NIBAN1: variants seen among roughly 807,000 people sequenced by gnomAD.
NIBAN1 encodes protein Niban 1.
In NIBAN1, 81 loss-of-function variants were observed where a neutral mutation model predicts 75.1. The ratio of observed to expected loss-of-function variants is 1.08; its 90% CI spans 0.90 to 1.30. The LOEUF is 1.30. Ranked by LOEUF, NIBAN1 falls within the 50% of genes most tolerant of loss-of-function variation. The pLI, the probability that NIBAN1 is intolerant of heterozygous loss-of-function variation, is 0.00. For synonymous variants in NIBAN1, 436 were observed against 424.8 expected (o/e 1.03, Z -0.32); for missense variants, 1,133 against 1,128.1 (o/e 1.00, Z -0.06).
intron 6 of NIBAN1, among the ~76,000 whole-genome samples, chr1:184,830,148 T>C (rs187217150): frequency 2.2e-4 from 33 of 152,352 alleles, no homozygotes; most frequent in African/African-American, 7.0e-4. Flanking sequence ...AGTTTTCTCA[T>C]TTACAAAATT....
intron 5 of NIBAN1, among the ~76,000 whole-genome samples, chr1:184,883,555 C>T (rs1311620034): frequency 6.6e-6 from 1 of 152,350 alleles, no homozygotes; most frequent in East Asian, 1.9e-4. Context: ...ATATCAAAAA[C>T]ATCACATATT....
chr1:184,962,018 C>G (rs1248461844), intron 1 of NIBAN1, among the ~76,000 whole-genome samples: 1 of 152,198 alleles, frequency 6.6e-6, no homozygotes. Context: ...TTCTTTGTTA[C>G]GTTCCCATGA....
intron 5 of NIBAN1, among the ~76,000 whole-genome samples, chr1:184,841,089 C>T (rs1655274477): frequency 6.6e-6 from 1 of 152,074 alleles, no homozygotes; most frequent in African/African-American, 2.4e-5. Flanking sequence ...AAGTTCCTCA[C>T]AGTTTAGTGG....
At chr1:184,932,373 T>C (rs1485250188) in intron 1 of NIBAN1, among the ~76,000 whole-genome samples, 6 of 152,202 alleles carry the variant, frequency 3.9e-5, no homozygotes, top group African/African-American at 7.2e-5. Context: ...GAGACAATGA[T>C]AGATTGTCAG....
At chr1:184,960,408 A>G (rs1468307594) in intron 1 of NIBAN1, among the ~76,000 whole-genome samples, 2 of 152,058 alleles carry the variant, frequency 1.3e-5, no homozygotes, top group Admixed American at 1.3e-4. Flanking sequence ...TACTTCTCTT[A>G]TTTTCTAAGA....
At chr1:184,898,519 G>A (rs1460982759) in intron 2 of NIBAN1, among the ~76,000 whole-genome samples, 1 of 152,146 alleles carries the variant, frequency 6.6e-6, no homozygotes, top group Non-Finnish European at 1.5e-5. Flanking sequence ...AGGAGGCTGA[G>A]GCAGGAGAAT....
intron 1 of NIBAN1, among the ~76,000 whole-genome samples, chr1:184,911,062 T>TACACACACAC (rs35550596): frequency 2.1e-5 from 3 of 144,436 alleles, no homozygotes; most frequent in African/African-American, 7.6e-5. Flanking sequence ...TTATAACAAA[T>TACACACACAC]ACACACACAC....
intron 1 of NIBAN1, among the ~76,000 whole-genome samples, chr1:184,903,489 T>C (rs1571561066): frequency 6.6e-6 from 1 of 152,200 alleles, no homozygotes; most frequent in African/African-American, 2.4e-5. Flanking sequence ...CTCTCATTAA[T>C]GGCTTAGTGC....
intron 5 of NIBAN1, among the ~76,000 whole-genome samples, chr1:184,843,689 T>G (rs1210657869): frequency 6.6e-6 from 1 of 152,194 alleles, no homozygotes; most frequent in African/African-American, 2.4e-5. Context: ...TCTAAGACAG[T>G]GAGTGCAAAA....
chr1:184,894,319 A>T (rs1370244726), intron 2 of NIBAN1, 113 bp from the exon 3 acceptor site: 3 of 1,172,278 alleles, frequency 2.6e-6, no homozygotes, highest in Non-Finnish European at 3.4e-6. Flanking sequence ...TTCCACTGAG[A>T]TCCTGGGGAA....
intron 8 of NIBAN1, among the ~76,000 whole-genome samples, chr1:184,822,898 A>G (rs1283398932): frequency 6.6e-6 from 1 of 152,134 alleles, no homozygotes; most frequent in Non-Finnish European, 1.5e-5. Context: ...AGGGTGCTAC[A>G]ATGGGGGTTG....
intron 5 of NIBAN1, among the ~76,000 whole-genome samples, chr1:184,871,347 CA>C (rs10658216): frequency 0.013 from 435 of 34,574 alleles, no homozygotes; most frequent in East Asian, 0.061. Context: ...AACTCTATCT[CA>C]AAAAAAAAAA....
At chr1:184,968,770 T>A (rs1658863219) in intron 1 of NIBAN1, among the ~76,000 whole-genome samples, 1 of 147,952 alleles carries the variant, frequency 6.8e-6, no homozygotes, top group Non-Finnish European at 1.5e-5. Flanking sequence ...AAAACCACAA[T>A]AACACTGGCT....
chr1:184,872,289 G>A (rs576196892), intron 5 of NIBAN1, among the ~76,000 whole-genome samples: 38 of 151,724 alleles, frequency 2.5e-4, no homozygotes, highest in African/African-American at 6.8e-4. Flanking sequence ...TTTAAACTCC[G>A]TAGATAAGGT....
chr1:184,815,942 G>A (rs937281563), intron 9 of NIBAN1, among the ~76,000 whole-genome samples: 4 of 152,272 alleles, frequency 2.6e-5, no homozygotes, highest in East Asian at 1.9e-4. Context: ...AAAGGCTGTC[G>A]TTACACAACA....
rs781229367 is a variant in NIBAN1 at position 184,795,244 on chromosome 1, C to A, written c.2520G>T (p.Gln840His). 1.9e-6 allele frequency: 3 copies of A among 1,613,692 alleles called. No individual in the cohort carries two copies. Among genetic ancestry groups the A allele is most frequent in the Non-Finnish European group, 2.5e-6 (3 of 1,180,034 alleles). Reference protein sequence around the residue: ...GKCTEEGDASQQEGCTLGSDP... With the variant: ...GKCTEEGDASHQEGCTLGSDP... ...CAGAACCTAAGGTGCAGCCCTCTTG[C>A]TGTGAGGCATCCCCTTCCTCGGTAC... The change falls in exon 14 of 14, where the codon CAG becomes CAT. Residue 840 changes from glutamine (Q) to histidine (H), a missense_variant. Physicochemically the swap from Gln to His is conservative, Grantham distance 24. Transcript: ENST00000367511.
chr1:184,893,933 G>C, intron 3 of NIBAN1, 142 bp downstream of exon 3: 1 of 785,514 alleles, frequency 1.3e-6, no homozygotes, highest in Non-Finnish European at 1.9e-6. Context: ...AGTGCTTATT[G>C]AATGAATCAG....
In NIBAN1 at chr1:184,808,061, CT is replaced by C. The variant is rs1261852966; in HGVS notation, c.1335+12del. On this transcript the variant is annotated intron_variant, in intron 10 of 13. Coordinates refer to ENST00000367511, the MANE Select transcript of NIBAN1 (RefSeq NM_052966.4). ...TTACCCTCATCCACCACGGATGCCCCTGCCACACCCACCTCCTGCATGTAGT... is the reference window on the plus strand; with the variant it reads ...TTACCCTCATCCACCACGGATGCCCCGCCACACCCACCTCCTGCATGTAGT... 6.2e-7 allele frequency: 1 copy of C among 1,613,556 alleles called. No individual in the cohort carries two copies. The highest frequency in any genetic ancestry group is 8.5e-7 in the Non-Finnish European group (1 of 1,179,680).
At chr1:184,807,187 C>T (rs183200300) in intron 10 of NIBAN1, among the ~76,000 whole-genome samples, 23 of 152,244 alleles carry the variant, frequency 1.5e-4, no homozygotes, top group African/African-American at 5.1e-4. Flanking sequence ...AATCTCTCCT[C>T]AGAATATCTG....
Sources: gnomAD v4.1 joint callset for allele counts (sites outside exome capture counted in the v4.1 genomes callset) on GRCh38, gnomAD v4.1.1 for gene constraint, MANE v1.5 for transcripts, NCBI Gene and HGNC (gene_info 2026-07-23, HGNC 2026-07-21) for gene names.